CARS1: variants seen among roughly 807,000 people sequenced by gnomAD.
CARS1 encodes cysteine--tRNA ligase, cytoplasmic.
CARS1 carries 48 observed loss-of-function variants against 106.2 expected under a neutral mutation model. The ratio of observed to expected loss-of-function variants is 0.45; its 90% confidence interval spans 0.36 to 0.57. The LOEUF is 0.57. CARS1 is among the 20% of genes least tolerant of loss of function. CARS1 has a pLI of 0.00. For synonymous variants in CARS1, 409 were observed against 403.4 expected (o/e 1.01, Z -0.17); for missense variants, 968 against 1,057.2 (o/e 0.92, Z 1.17).
chr11:3,007,717 G>A (rs1046490469), intron 18 of CARS1: 4 of 144,102 alleles, frequency 2.8e-5, no homozygotes, highest in South Asian at 4.6e-4. Context: ...AGGGAGCTTC[G>A]CTTGGAAACC....
At position 3,020,658 on chromosome 11, in the gene CARS1, T is replaced by G. The variant is rs753659330; in HGVS notation, c.1154-326A>C. Among the ~76,000 whole-genome samples, 3 of 152,086 alleles carry G rather than the reference T, an allele frequency of 2.0e-5. No homozygotes were observed. Among genetic ancestry groups the G allele is most frequent in the Admixed American group, 1.3e-4 (2 of 15,264 alleles). ...TTAGCCCACCAGTGTCTAGGACAAGTGATAAGAACCCTGGGCTAAAGCTAG... is the reference window on the plus strand; with the variant it reads ...TTAGCCCACCAGTGTCTAGGACAAGGGATAAGAACCCTGGGCTAAAGCTAG... On this transcript the variant is annotated intron_variant, in intron 10 of 22. Transcript: ENST00000380525. The surrounding 1 kb of genome is among the most constrained non-coding windows in gnomAD (Gnocchi z 4.6).
chr11:3,040,361 C>T lies in CARS1; in HGVS notation c.456-430G>A, dbSNP rs72844025. ...ACTGTGCAGAGGGTCACACCCTCTA[C>T]CCTCCAGGTTGTTCAAGGGTTGACT... On this transcript the variant is annotated intron_variant, in intron 4 of 22. Transcript: ENST00000380525. The surrounding 1 kb of genome is among the most constrained non-coding windows in gnomAD (Gnocchi z 5.8). 1,274 of 358,854 alleles carry T rather than the reference C, an allele frequency of 3.6e-3. 1 individual carries two copies. Among genetic ancestry groups the T allele is most frequent in the Non-Finnish European group, 5.7e-3 (1,057 of 184,060 alleles). 22.2% of individuals were successfully genotyped at this position (358,854 alleles called of 1,614,324 possible). A position where few individuals can be genotyped will look rare whatever the true frequency, so the allele number is the denominator to read the frequency against.
chr11:3,017,179 C>T lies in CARS1; in HGVS notation c.1844G>A (p.Arg615Gln), dbSNP rs529526134. 11 of 1,614,162 alleles carry T rather than the reference C, an allele frequency of 6.8e-6. No homozygotes were observed. The highest frequency in any genetic ancestry group is 2.2e-5 in the South Asian group (2 of 91,086). The change falls in exon 16 of 23, where the codon CGG becomes CAG. Residue 615 changes from arginine (R) to glutamine (Q), a missense_variant. Arg to Gln is a conservative substitution (Grantham distance 43). Coordinates refer to ENST00000380525, the MANE Select transcript of CARS1 (RefSeq NM_001014437.3). The surrounding 1 kb of genome is among the most constrained non-coding windows in gnomAD (Gnocchi z 4.9). ...VSQCNLYMAA[R>Q]KAVRKRPNQA... ...GTTGGGCCTCTTCCTCACGGCTTTC[C>T]GGGCTGCCATATAGAGGTTGCACTG... is the stretch of plus-strand genomic sequence containing the variant.
chr11:3,041,348 T>G lies in CARS1; in HGVS notation c.367-364A>C, dbSNP rs542265984. ...ATGTGCCAGGCCCTGAGCTAAATAT[T>G]CAATATGCAGTACACTCTAGGACGT... On this transcript the variant is annotated intron_variant, in intron 3 of 22. Coordinates refer to ENST00000380525, the MANE Select transcript of CARS1 (RefSeq NM_001014437.3). The surrounding 1 kb of genome is among the most constrained non-coding windows in gnomAD (Gnocchi z 4.9). 7.0e-5 allele frequency: 19 copies of G among 272,608 alleles called. No homozygotes were observed. In the South Asian group the frequency reaches 7.6e-4, roughly 11 times the overall value. The allele number at this position is 272,608 out of a possible 1,614,324, so 16.9% of individuals were successfully genotyped here.
At position 3,046,235 on chromosome 11, in the gene CARS1, G is replaced by A. The variant is rs1350063077; in HGVS notation, c.274+1518C>T. On this transcript the variant is annotated intron_variant, in intron 2 of 22. Transcript: ENST00000380525. This position sits in a 1 kb window ranked among gnomAD's most constrained non-coding sequence, Gnocchi z 5.8. Reference sequence around the variant, plus strand: ...TCTCACAGTGTGGATGGAGGCTTGCGTCTGTGCCGCTCTTTCAACAAGTCC... The same window carrying A: ...TCTCACAGTGTGGATGGAGGCTTGCATCTGTGCCGCTCTTTCAACAAGTCC... Among the ~76,000 whole-genome samples, 4 of 152,136 alleles carry A rather than the reference G, an allele frequency of 2.6e-5. No individual in the cohort carries two copies. The highest frequency in any genetic ancestry group is 6.5e-5 in the Admixed American group (1 of 15,280).
Position 3,001,963 on chromosome 11 carries a change from T to G in CARS1, c.2361+7A>C. 1 of 1,599,382 alleles carries G rather than the reference T, an allele frequency of 6.3e-7. No homozygotes were observed. Reference sequence around the variant, plus strand: ...TGAATAGAAGAGAAGGATGCTTACATGCTTACATTTTCATCAAACTTGGAG... The same window carrying G: ...TGAATAGAAGAGAAGGATGCTTACAGGCTTACATTTTCATCAAACTTGGAG... On this transcript the variant is annotated splice_region_variant and intron_variant, in intron 22 of 22. Coordinates refer to ENST00000380525, the MANE Select transcript of CARS1 (RefSeq NM_001014437.3).
At chr11:3,018,556 G>A in intron 13 of CARS1, 45 bp from the exon 14 acceptor site, 1 of 1,612,174 alleles carries the variant, frequency 6.2e-7, no homozygotes, top group Admixed American at 1.7e-5. Context: ...TCTCCCGAGT[G>A]CTACAGCCAT....
chr11:3,002,605 A>G lies in CARS1; in HGVS notation c.2218-5T>C. 1 of 1,613,938 alleles carries G rather than the reference A, an allele frequency of 6.2e-7. No individual in the cohort carries two copies. Among genetic ancestry groups the G allele is most frequent in the Non-Finnish European group, 8.5e-7 (1 of 1,179,960 alleles). On this transcript the variant is annotated splice_region_variant and splice_polypyrimidine_tract_variant and intron_variant, in intron 20 of 22. Transcript: ENST00000380525. ...CTTCCTCTTCTCCTCTTCAACCTGG[A>G]GGGTCAATACAGAGCCAGATGAGAC... is the stretch of plus-strand genomic sequence containing the variant.
chr11:3,047,713 G>A, intron 2 of CARS1, 40 bp downstream of exon 2: 1 of 1,575,194 alleles, frequency 6.3e-7, no homozygotes, highest in Non-Finnish European at 8.6e-7. Context: ...GACCTTGGGA[G>A]AGAGGTTCTA....
chr11:3,045,421 C>T lies in CARS1; in HGVS notation c.274+2332G>A, dbSNP rs910735227. Among the ~76,000 whole-genome samples the T allele has an allele frequency of 1.3e-5, 2 of 152,140 alleles. No individual in the cohort carries two copies. The highest frequency in any genetic ancestry group is 2.4e-5 in the African/African-American group (1 of 41,434). On this transcript the variant is annotated intron_variant, in intron 2 of 22. Transcript: ENST00000380525. This position sits in a 1 kb window ranked among gnomAD's most constrained non-coding sequence, Gnocchi z 5.6. Reference sequence around the variant, plus strand: ...CTGGGACTATAGGCACCCGCCATCACGCCCGGCTAATTTTTTGTATTTTTA... The same window carrying T: ...CTGGGACTATAGGCACCCGCCATCATGCCCGGCTAATTTTTTGTATTTTTA...
intron 20 of CARS1, 55 bp downstream of exon 20, chr11:3,005,311 A>G: frequency 1.5e-6 from 2 of 1,291,632 alleles, no homozygotes; most frequent in Non-Finnish European, 2.2e-6. Context: ...AATAATCGCA[A>G]TGGTTTTTAC....
rs1374313978 is a variant in CARS1, at chr11:3,037,822, C to G, written c.801+228G>C. ...AGGGTGTGGATCCCGAGTCTCCTTC[C>G]AGTGGCACAGGCTCTGCACCCAGGA... is the stretch of plus-strand genomic sequence containing the variant. On this transcript the variant is annotated intron_variant, in intron 7 of 22. Coordinates refer to ENST00000380525, the MANE Select transcript of CARS1 (RefSeq NM_001014437.3). This position sits in a 1 kb window ranked among gnomAD's most constrained non-coding sequence, Gnocchi z 5.9. Among the ~76,000 whole-genome samples the G allele has an allele frequency of 2.0e-5, 3 of 151,816 alleles. No individual in the cohort carries two copies. The highest frequency in any genetic ancestry group is 6.6e-5 in the Admixed American group (1 of 15,256).
intron 17 of CARS1, 25 bp downstream of exon 17, chr11:3,015,756 A>C: frequency 6.2e-7 from 1 of 1,609,116 alleles, no homozygotes; most frequent in Non-Finnish European, 8.5e-7. Flanking sequence ...CAGGTGCAGA[A>C]GGCAGGACCC....
chr11:3,009,934 C>T (rs745335716), intron 18 of CARS1, among the ~76,000 whole-genome samples: 4 of 152,158 alleles, frequency 2.6e-5, no homozygotes, highest in Non-Finnish European at 5.9e-5. Flanking sequence ...TGCACCAGAG[C>T]CACCTCTAAC....
chr11:3,014,397 A>G (rs1455495052), intron 17 of CARS1, among the ~76,000 whole-genome samples: 1 of 152,240 alleles, frequency 6.6e-6, no homozygotes, highest in Non-Finnish European at 1.5e-5. Context: ...TTTTGTCAGC[A>G]GGCTCACCAT....
At position 3,034,860 on chromosome 11, in the gene CARS1, T is replaced by C. The variant is rs1370460266; in HGVS notation, c.801+3190A>G. ...GGGAATGGGTAATTTTTAAATAAAATTTATTTCTTACAATTCTGTAGGCTG... is the reference window on the plus strand; with the variant it reads ...GGGAATGGGTAATTTTTAAATAAAACTTATTTCTTACAATTCTGTAGGCTG... On this transcript the variant is annotated intron_variant, in intron 7 of 22. Transcript: ENST00000380525. The surrounding 1 kb of genome is among the most constrained non-coding windows in gnomAD (Gnocchi z 6.3). 6.6e-6 allele frequency among the ~76,000 whole-genome samples: 1 copy of C among 152,178 alleles called. No homozygotes were observed. The highest frequency in any genetic ancestry group is 2.4e-5 in the African/African-American group (1 of 41,434).
rs542761000 is a variant in CARS1, at chr11:3,029,213, G to A, written c.942+90C>T. On this transcript the variant is annotated intron_variant, in intron 8 of 22. Coordinates refer to ENST00000380525, the MANE Select transcript of CARS1 (RefSeq NM_001014437.3). This position sits in a 1 kb window ranked among gnomAD's most constrained non-coding sequence, Gnocchi z 5.9. ...ACTCAAGTTCAATGTTGACTTGGCC[G>A]CTTAATTGAGCTGGCCTTGCCAAAA... 845 of 1,498,436 alleles carry A rather than the reference G, an allele frequency of 5.6e-4. No homozygotes were observed. Among genetic ancestry groups the A allele is most frequent in the Non-Finnish European group, 7.1e-4 (768 of 1,079,598 alleles). 92.8% of individuals were successfully genotyped at this position (1,498,436 alleles called of 1,614,324 possible). A position where few individuals can be genotyped will look rare whatever the true frequency, so the allele number is the denominator to read the frequency against.
intron 17 of CARS1, among the ~76,000 whole-genome samples, chr11:3,013,779 G>A (rs188245328): frequency 2.6e-5 from 4 of 152,284 alleles, no homozygotes; most frequent in Non-Finnish European, 5.9e-5. Flanking sequence ...CTTGAACTCG[G>A]GAGGCAGAGG....
chr11:3,036,669 C>T (rs766723364), intron 7 of CARS1, among the ~76,000 whole-genome samples: 1 of 152,186 alleles, frequency 6.6e-6, no homozygotes, highest in African/African-American at 2.4e-5. Flanking sequence ...ATTCCACTTC[C>T]GTGTATATCC....
Sources: gnomAD v4.1 joint callset for allele counts (sites outside exome capture counted in the v4.1 genomes callset) on GRCh38, gnomAD v4.1.1 for gene constraint, Gnocchi (gnomAD v3.1) non-coding constraint, MANE v1.5 for transcripts, NCBI Gene and HGNC (gene_info 2026-07-23, HGNC 2026-07-21) for gene names.